The following CHST11 variants were observed in gnomAD, a reference collection of about 807,000 sequenced individuals.
CHST11 encodes the protein carbohydrate sulfotransferase 11.
CHST11 carries 9 observed loss-of-function variants against 30.4 expected under a neutral mutation model. The observed-to-expected ratio is 0.30, with a 90% confidence interval of 0.18 to 0.52. CHST11 has a LOEUF of 0.52. CHST11 is among the 20% of genes least tolerant of loss of function. The pLI, the probability that CHST11 is intolerant of heterozygous loss-of-function variation, is 0.97. For missense variants in CHST11, 348 were observed against 460.6 expected, an observed-to-expected ratio of 0.76 and a Z score of 2.24; for synonymous variants, 152 against 187.8, an observed-to-expected ratio of 0.81 and a Z score of 1.56.
chr12:104,719,106 G>T (rs1225924314), intron 2 of CHST11, among the ~76,000 whole-genome samples: 1 of 152,162 alleles, frequency 6.6e-6, no homozygotes, highest in Non-Finnish European at 1.5e-5. Flanking sequence ...GGGCTGGGCT[G>T]CAGGCGCGGC....
chr12:104,610,663 G>T (rs1012382505), intron 2 of CHST11, among the ~76,000 whole-genome samples: 1 of 152,180 alleles, frequency 6.6e-6, no homozygotes, highest in Admixed American at 6.5e-5. Context: ...AGAATGGATA[G>T]AACTGAAACA....
intron 1 of CHST11, among the ~76,000 whole-genome samples, chr12:104,464,705 T>G (rs1252755691): frequency 1.3e-5 from 2 of 152,128 alleles, no homozygotes; most frequent in African/African-American, 4.8e-5. Context: ...TGAAGAGATC[T>G]GAAAAAGAGA....
intron 2 of CHST11, among the ~76,000 whole-genome samples, chr12:104,616,753 T>C (rs964328649): frequency 6.6e-6 from 1 of 152,236 alleles, no homozygotes; most frequent in Non-Finnish European, 1.5e-5. Context: ...CATGAGCCAC[T>C]GTGCCCGGCC....
rs557630886 is a variant in CHST11 at position 104,574,411 on chromosome 12, CAT to C, written c.119-27494_119-27493del. On this transcript the variant is annotated intron_variant, in intron 1 of 2. Transcript: ENST00000303694. ...ATGCTGCTATAAAGACACATGCACA[CAT>C]GTTAATTGTGGCACTATTCGCAATA... Among the ~76,000 whole-genome samples, 12 of 152,228 alleles carry C rather than the reference CAT, an allele frequency of 7.9e-5. No individual in the cohort carries two copies. In the East Asian group the frequency reaches 2.1e-3, roughly 27 times the overall value.
intron 2 of CHST11, among the ~76,000 whole-genome samples, chr12:104,644,945 T>G (rs1005504863): frequency 6.6e-6 from 1 of 152,170 alleles, no homozygotes; most frequent in Non-Finnish European, 1.5e-5. Flanking sequence ...CTTCTTCCAC[T>G]TTTTTTGTTT....
At chr12:104,715,315 A>G (rs2040122135) in intron 2 of CHST11, among the ~76,000 whole-genome samples, 1 of 152,178 alleles carries the variant, frequency 6.6e-6, no homozygotes, top group South Asian at 2.1e-4. Flanking sequence ...TGGAGGCTGC[A>G]GTGAGCCGAG....
chr12:104,670,503 TCACA>T (rs1349175083), intron 2 of CHST11, among the ~76,000 whole-genome samples: 4 of 143,928 alleles, frequency 2.8e-5, no homozygotes, highest in Non-Finnish European at 6.0e-5. Flanking sequence ...TCATACACAC[TCACA>T]CAAACACATC....
intron 2 of CHST11, among the ~76,000 whole-genome samples, chr12:104,637,284 C>G (rs1439302315): frequency 8.5e-6 from 1 of 117,682 alleles, no homozygotes; most frequent in African/African-American, 3.4e-5. Context: ...CAGCCTGGGC[C>G]ATGGGAGTGA....
chr12:104,705,189 G>A (rs915958637), intron 2 of CHST11, among the ~76,000 whole-genome samples: 2 of 152,130 alleles, frequency 1.3e-5, no homozygotes, highest in African/African-American at 4.8e-5. Flanking sequence ...CTTGGTGTGG[G>A]TCACCTGGTG....
chr12:104,747,559 T>G (rs535218059), intron 2 of CHST11, among the ~76,000 whole-genome samples: 1 of 152,128 alleles, frequency 6.6e-6, no homozygotes, highest in East Asian at 1.9e-4. Flanking sequence ...GAAAGAAACG[T>G]CATATAATCA....
chr12:104,625,301 CCTTTTT>C (rs896895698), intron 2 of CHST11, among the ~76,000 whole-genome samples: 10 of 152,258 alleles, frequency 6.6e-5, no homozygotes, highest in Middle Eastern at 6.8e-3. Context: ...CAGTGACCAT[CCTTTTT>C]CTTTTTCTTT....
intron 1 of CHST11, among the ~76,000 whole-genome samples, chr12:104,575,404 A>G (rs2136027444): frequency 6.6e-6 from 1 of 152,296 alleles, no homozygotes; most frequent in Admixed American, 6.5e-5. Context: ...AACTGGGGAC[A>G]GGGATGAGGC....
intron 2 of CHST11, among the ~76,000 whole-genome samples, chr12:104,626,796 C>G (rs7133216): frequency 6.6e-6 from 1 of 151,938 alleles, no homozygotes; most frequent in Admixed American, 6.6e-5. Flanking sequence ...CGGCCTCCCC[C>G]GTCATCAGCA....
At chr12:104,538,249 T>C (rs1414724702) in intron 1 of CHST11, among the ~76,000 whole-genome samples, 2 of 152,224 alleles carry the variant, frequency 1.3e-5, no homozygotes, top group Non-Finnish European at 2.9e-5. Flanking sequence ...GGTCAAGTGT[T>C]TTGTAGGACA....
At chr12:104,656,334 T>C (rs1566025137) in intron 2 of CHST11, among the ~76,000 whole-genome samples, 2 of 152,196 alleles carry the variant, frequency 1.3e-5, no homozygotes, top group Non-Finnish European at 2.9e-5. Context: ...TCATTTTCTA[T>C]CTTTTTTCCA....
intron 2 of CHST11, among the ~76,000 whole-genome samples, chr12:104,623,849 G>T (rs897719242): frequency 6.6e-6 from 1 of 152,262 alleles, no homozygotes; most frequent in Non-Finnish European, 1.5e-5. Context: ...CTTGTTTTGG[G>T]GTATGAGAAA....
intron 2 of CHST11, among the ~76,000 whole-genome samples, chr12:104,622,136 A>T (rs1274286728): frequency 2.6e-5 from 4 of 152,240 alleles, no homozygotes; most frequent in Non-Finnish European, 5.9e-5. Flanking sequence ...ATCCTTGTAC[A>T]TATTCATAAG....
At chr12:104,547,916 A>G (rs1432699089) in intron 1 of CHST11, among the ~76,000 whole-genome samples, 1 of 152,186 alleles carries the variant, frequency 6.6e-6, no homozygotes. Flanking sequence ...TCTCTTGTAC[A>G]CATGATGAAG....
intron 2 of CHST11, among the ~76,000 whole-genome samples, chr12:104,720,352 A>C (rs1365727375): frequency 6.6e-6 from 1 of 152,216 alleles, no homozygotes; most frequent in Non-Finnish European, 1.5e-5. Flanking sequence ...CCACAGCCTC[A>C]CGATCGTGAG....
Sources: gnomAD v4.1 joint callset for allele counts (sites outside exome capture counted in the v4.1 genomes callset) on GRCh38, gnomAD v4.1.1 for gene constraint, MANE v1.5 for transcripts, NCBI Gene and HGNC (gene_info 2026-07-23, HGNC 2026-07-21) for gene names.